Variants in CAMK4 observed in about 807,000 individuals in gnomAD.
The protein encoded by CAMK4 is calcium/calmodulin dependent protein kinase IV.
CAMK4 carries 22 observed loss-of-function variants against 44.9 expected under a neutral mutation model. That is an observed-to-expected ratio of 0.49 (90% CI 0.35 to 0.70). CAMK4 has a LOEUF of 0.70. CAMK4 is among the 30% of genes least tolerant of loss of function. The pLI, the probability that CAMK4 is intolerant of heterozygous loss-of-function variation, is 0.01. For synonymous variants in CAMK4, 218 were observed against 215.4 expected (o/e 1.01, Z -0.11); for missense variants, 498 against 586.8 (o/e 0.85, Z 1.56).
At position 111,489,956 on chromosome 5, in the gene CAMK4, A is replaced by G. The variant is rs1215959810; in HGVS notation, c.*5490A>G. The G allele has an allele frequency of 6.6e-6, 1 of 152,192 alleles. No homozygotes were observed. The highest frequency in any genetic ancestry group is 2.4e-5 in the African/African-American group (1 of 41,456). The allele number at this position is 152,192 out of a possible 1,614,324, so 9.4% of individuals were successfully genotyped here. On this transcript the variant is annotated 3_prime_UTR_variant, in exon 11 of 11. Transcript: ENST00000282356. ...TATCTGTGGCCCAGAATTTTGTTTG[A>G]TACTCTAAACAGCAATGCAAAGACT...
intron 1 of CAMK4, among the ~76,000 whole-genome samples, chr5:111,298,009 A>G (rs1028225834): frequency 2.2e-4 from 34 of 152,134 alleles, no homozygotes; most frequent in African/African-American, 7.5e-4. Context: ...TCTTTTTGGT[A>G]TGTTTTTCAA....
intron 7 of CAMK4, 106 bp from the exon 8 acceptor site, chr5:111,473,205 C>G: frequency 6.2e-6 from 5 of 802,792 alleles, no homozygotes; most frequent in Non-Finnish European, 1.1e-5. Flanking sequence ...GGTTATAAAA[C>G]TGTTCAGAAA....
intron 1 of CAMK4, among the ~76,000 whole-genome samples, chr5:111,229,690 A>G (rs1358296466): frequency 6.6e-6 from 1 of 152,118 alleles, no homozygotes. Context: ...CTCCTGCTAC[A>G]CACACTGCAC....
At chr5:111,370,152 T>C (rs1252321869) in intron 2 of CAMK4, among the ~76,000 whole-genome samples, 3 of 152,166 alleles carry the variant, frequency 2.0e-5, no homozygotes, top group Admixed American at 2.0e-4. Flanking sequence ...AGAAATGTTT[T>C]CATAGAAAAA....
chr5:111,484,491 C>G lies in CAMK4; in HGVS notation c.*25C>G. The G allele has an allele frequency of 7.1e-7, 1 of 1,411,932 alleles. No individual in the cohort carries two copies. Among genetic ancestry groups the G allele is most frequent in the Non-Finnish European group, 9.5e-7 (1 of 1,050,974 alleles). 87.5% of individuals were successfully genotyped at this position (1,411,932 alleles called of 1,614,324 possible). On this transcript the variant is annotated 3_prime_UTR_variant, in exon 11 of 11. Transcript: ENST00000282356. This position sits in a 1 kb window ranked among gnomAD's most constrained non-coding sequence, Gnocchi z 5.3. ...AACAGCTTCCTTCAGATCTGGAAGC[C>G]AAACACCGGCATTTTATGTACTTTG... is the stretch of plus-strand genomic sequence containing the variant.
At chr5:111,462,712 A>G (rs1398097801) in intron 7 of CAMK4, among the ~76,000 whole-genome samples, 1 of 152,244 alleles carries the variant, frequency 6.6e-6, no homozygotes, top group Non-Finnish European at 1.5e-5. Flanking sequence ...TTTTTCTTCT[A>G]GGAATTTAAG....
chr5:111,450,156 T>A (rs1279925286), intron 7 of CAMK4, among the ~76,000 whole-genome samples: 3 of 150,166 alleles, frequency 2.0e-5, no homozygotes, highest in African/African-American at 7.4e-5. Flanking sequence ...CTATCTCTAC[T>A]AAAAAAAAAT....
intron 1 of CAMK4, among the ~76,000 whole-genome samples, chr5:111,317,630 A>T (rs1380287329): frequency 6.6e-6 from 1 of 152,092 alleles, no homozygotes; most frequent in Non-Finnish European, 1.5e-5. Context: ...AGCATATGTG[A>T]TTATGCCCCT....
intron 5 of CAMK4, among the ~76,000 whole-genome samples, chr5:111,440,822 A>G (rs1371052854): frequency 1.3e-5 from 2 of 152,240 alleles, no homozygotes; most frequent in African/African-American, 4.8e-5. Flanking sequence ...TTGAAACTTT[A>G]GAAAAGAGCA....
chr5:111,395,160 A>G (rs1751951208), intron 5 of CAMK4, among the ~76,000 whole-genome samples: 1 of 148,856 alleles, frequency 6.7e-6, no homozygotes, highest in Non-Finnish European at 1.5e-5. Context: ...CAGTGAGCCA[A>G]GGTCACGCCA....
At chr5:111,326,804 T>C (rs902902036) in intron 1 of CAMK4, among the ~76,000 whole-genome samples, 1 of 151,936 alleles carries the variant, frequency 6.6e-6, no homozygotes, top group Non-Finnish European at 1.5e-5. Flanking sequence ...TAGATACTTT[T>C]TGAGTCATTG....
intron 9 of CAMK4, 62 bp downstream of exon 9, chr5:111,478,569 G>A: frequency 3.5e-6 from 3 of 866,252 alleles, no homozygotes; most frequent in Admixed American, 2.8e-5. Context: ...CTAATTAATG[G>A]GAAGTACAAT....
intron 1 of CAMK4, among the ~76,000 whole-genome samples, chr5:111,322,276 T>C (rs1748695551): frequency 6.6e-6 from 1 of 152,046 alleles, no homozygotes; most frequent in Admixed American, 6.6e-5. Flanking sequence ...GGTAGGCATG[T>C]ACAACTGGAA....
intron 5 of CAMK4, among the ~76,000 whole-genome samples, chr5:111,423,151 G>A (rs775824529): frequency 2.0e-5 from 3 of 152,088 alleles, no homozygotes; most frequent in East Asian, 3.8e-4. Flanking sequence ...AAAGGAAAAC[G>A]AGGCTCCAAA....
In CAMK4 at chr5:111,265,096, T is replaced by G. The variant is rs549646592; in HGVS notation, c.161+40452T>G. Among the ~76,000 whole-genome samples, 6 of 152,268 alleles carry G rather than the reference T, an allele frequency of 3.9e-5. No individual in the cohort carries two copies. The East Asian group carries it at 9.7e-4, about 25-fold the overall frequency. On this transcript the variant is annotated intron_variant, in intron 1 of 10. Transcript: ENST00000282356. Reference sequence around the variant, plus strand: ...CTACAGGTATCATGTTCATTCGTTTTGCTTGCCCATTGTCATGAGAATGTA... The same window carrying G: ...CTACAGGTATCATGTTCATTCGTTTGGCTTGCCCATTGTCATGAGAATGTA...
At chr5:111,360,792 A>G (rs761111156) in intron 2 of CAMK4, among the ~76,000 whole-genome samples, 1 of 152,086 alleles carries the variant, frequency 6.6e-6, no homozygotes, top group Non-Finnish European at 1.5e-5. Flanking sequence ...GGTTCAATTC[A>G]TGTTAAAATG....
At chr5:111,332,058 C>A (rs1333204989) in intron 1 of CAMK4, among the ~76,000 whole-genome samples, 1 of 151,476 alleles carries the variant, frequency 6.6e-6, no homozygotes, top group African/African-American at 2.4e-5. Context: ...TGCTCACACC[C>A]ACACAATTTA....
intron 1 of CAMK4, among the ~76,000 whole-genome samples, chr5:111,320,078 T>G (rs1029421961): frequency 1.3e-5 from 2 of 152,172 alleles, no homozygotes; most frequent in Non-Finnish European, 2.9e-5. Flanking sequence ...CATTAATGCC[T>G]AAAACCTTGT....
chr5:111,464,286 C>T (rs550690565), intron 7 of CAMK4, among the ~76,000 whole-genome samples: 33 of 150,422 alleles, frequency 2.2e-4, no homozygotes, highest in Middle Eastern at 3.4e-3. Flanking sequence ...TCAGTAAAGA[C>T]GAAAAAAAGA....
Sources: allele counts gnomAD v4.1 joint callset (sites outside exome capture counted in the v4.1 genomes callset), GRCh38; gene constraint gnomAD v4.1.1; non-coding constraint Gnocchi (gnomAD v3.1); transcripts MANE v1.5; gene names NCBI Gene and HGNC (gene_info 2026-07-23, HGNC 2026-07-21).